Variants in VIT observed in about 807,000 individuals in gnomAD.
VIT encodes the protein vitrin.
A neutral mutation model predicts 78.0 loss-of-function variants in VIT; 99 were observed. The ratio of observed to expected loss-of-function variants is 1.27; its 90% CI spans 1.08 to 1.50. The LOEUF (loss-of-function observed/expected upper bound fraction) is 1.50. Among genes scored for constraint, VIT ranks in the 40% most tolerant of loss-of-function variants. VIT has a pLI of 0.00. For missense variants in VIT, 1,126 were observed against 875.3 expected, an observed-to-expected ratio of 1.29 and a Z score of -3.61; for synonymous variants, 374 against 334.3, an observed-to-expected ratio of 1.12 and a Z score of -1.29.
intron 7 of VIT, among the ~76,000 whole-genome samples, chr2:36,769,297 G>A (rs1428414572): frequency 1.3e-5 from 2 of 152,298 alleles, no homozygotes; most frequent in South Asian, 2.1e-4. Flanking sequence ...ATTTGGCTAC[G>A]CTGGGAGCTT....
intron 6 of VIT, among the ~76,000 whole-genome samples, chr2:36,763,237 C>T (rs1669227283): frequency 6.6e-6 from 1 of 152,124 alleles, no homozygotes. Context: ...ATTTTAACAC[C>T]TCCAGTGTGG....
chr2:36,793,573 G>C (rs1225952474), intron 12 of VIT, among the ~76,000 whole-genome samples: 2 of 152,210 alleles, frequency 1.3e-5, no homozygotes, highest in Admixed American at 6.5e-5. Flanking sequence ...ACTGTCGTGT[G>C]ACCTGAAACA....
intron 13 of VIT, 129 bp from the exon 14 acceptor site, chr2:36,805,308 GA>G (rs567911067): frequency 0.029 from 17,094 of 582,080 alleles, no homozygotes; most frequent in South Asian, 0.036. Context: ...TGTCTCAAAG[GA>G]AAAAAAAAAA....
chr2:36,756,500 T>C (rs1320373683), intron 5 of VIT, among the ~76,000 whole-genome samples: 1 of 152,174 alleles, frequency 6.6e-6, no homozygotes, highest in Non-Finnish European at 1.5e-5. Flanking sequence ...CTAGCACTGC[T>C]AGGCACCCCA....
intron 2 of VIT, among the ~76,000 whole-genome samples, chr2:36,716,678 G>GCA (rs1012889838): frequency 3.3e-5 from 5 of 151,762 alleles, no homozygotes; most frequent in African/African-American, 1.2e-4. Context: ...ATTACCTATT[G>GCA]CACACACACA....
chr2:36,759,889 T>G (rs952781512), intron 6 of VIT, among the ~76,000 whole-genome samples: 2 of 152,208 alleles, frequency 1.3e-5, no homozygotes, highest in African/African-American at 4.8e-5. Context: ...CATCGGCCTA[T>G]ACTATTACTC....
intron 1 of VIT, among the ~76,000 whole-genome samples, chr2:36,702,958 C>T (rs575684802): frequency 1.3e-5 from 2 of 152,318 alleles, no homozygotes; most frequent in East Asian, 3.9e-4. Flanking sequence ...CCTCAGCCCT[C>T]CATGCACCTG....
chr2:36,810,852 T>G (rs912833499), intron 15 of VIT, among the ~76,000 whole-genome samples: 3 of 152,210 alleles, frequency 2.0e-5, no homozygotes, highest in African/African-American at 7.2e-5. Context: ...CAGGCTTTTC[T>G]TGAACTCCTG....
intron 1 of VIT, 113 bp from the exon 2 acceptor site, chr2:36,716,240 G>C (rs914810880): frequency 4.0e-6 from 3 of 749,398 alleles, no homozygotes; most frequent in Middle Eastern, 3.2e-4. Context: ...GCCTGGAATC[G>C]TAAGACTCCA....
chr2:36,802,232 A>C (rs560209996), intron 13 of VIT, among the ~76,000 whole-genome samples: 97 of 152,334 alleles, frequency 6.4e-4, no homozygotes, highest in African/African-American at 2.2e-3. Flanking sequence ...ACAGTTTCAC[A>C]CTAACCAAGC....
chr2:36,798,480 C>T (rs6544040), intron 12 of VIT, among the ~76,000 whole-genome samples: 3 of 151,270 alleles, frequency 2.0e-5, no homozygotes, highest in African/African-American at 4.9e-5. Context: ...AACCCAGCCA[C>T]GTACAGTGGC....
intron 2 of VIT, among the ~76,000 whole-genome samples, chr2:36,727,325 A>G (rs2148478515): frequency 6.6e-6 from 1 of 152,294 alleles, no homozygotes; most frequent in East Asian, 1.9e-4. Context: ...AGGTGCACAC[A>G]CATATAGCGT....
rs768085624 is a variant in VIT, at chr2:36,758,948, T to C, written c.410-21T>C. The C allele has an allele frequency of 8.0e-5, 128 of 1,601,824 alleles. 1 individual carries two copies. Among genetic ancestry groups the C allele is most frequent in the Non-Finnish European group, 1.1e-4 (128 of 1,172,302 alleles). ...TCTAGCTCTAGAAATAAATCTCGTT[T>C]TTTTTTTCTCTTTTTTGCAGAAAGT... On this transcript the variant is annotated intron_variant, in intron 5 of 15. Transcript: ENST00000379242.
At chr2:36,755,541 A>G (rs1372483608) in intron 5 of VIT, among the ~76,000 whole-genome samples, 1 of 152,158 alleles carries the variant, frequency 6.6e-6, no homozygotes, top group Non-Finnish European at 1.5e-5. Context: ...TGGATATTTT[A>G]CCATATCTGT....
chr2:36,726,744 G>T (rs1045054961), intron 2 of VIT, among the ~76,000 whole-genome samples: 1 of 149,788 alleles, frequency 6.7e-6, no homozygotes, highest in Non-Finnish European at 1.5e-5. Flanking sequence ...ACTTGAACCC[G>T]GGAGGCGGAG....
chr2:36,777,708 C>A (rs958860620), intron 9 of VIT, among the ~76,000 whole-genome samples: 2 of 152,188 alleles, frequency 1.3e-5, no homozygotes, highest in Non-Finnish European at 2.9e-5. Flanking sequence ...GAAGCCCACA[C>A]TGGAAAATCA....
intron 2 of VIT, 102 bp from the exon 3 acceptor site, chr2:36,729,324 A>G (rs908682088): frequency 2.0e-6 from 2 of 993,084 alleles, no homozygotes; most frequent in Non-Finnish European, 2.9e-6. Context: ...TAGTTCTGCC[A>G]TGGAGAATAC....
chr2:36,756,574 T>C (rs1218891211), intron 5 of VIT, among the ~76,000 whole-genome samples: 1 of 152,200 alleles, frequency 6.6e-6, no homozygotes, highest in Non-Finnish European at 1.5e-5. Context: ...ACAGACCTTT[T>C]ACTATTCTTC....
At chr2:36,706,548 G>A (rs944178946) in intron 1 of VIT, among the ~76,000 whole-genome samples, 7 of 152,066 alleles carry the variant, frequency 4.6e-5, no homozygotes, top group South Asian at 2.1e-4. Context: ...TCTCTCTGCC[G>A]TCCTCTTATA....
Sources: allele counts gnomAD v4.1 joint callset (sites outside exome capture counted in the v4.1 genomes callset), GRCh38; gene constraint gnomAD v4.1.1; transcripts MANE v1.5; gene names NCBI Gene and HGNC (gene_info 2026-07-23, HGNC 2026-07-21).